FAM200B: variants seen among roughly 807,000 people sequenced by gnomAD.
FAM200B encodes the protein zinc finger BED-type containing 11.
A neutral mutation model predicts 33.1 loss-of-function variants in FAM200B; 32 were observed. The observed-to-expected ratio is 0.97, with a 90% CI of 0.73 to 1.30. The LOEUF is 1.30. Ranked by LOEUF, FAM200B falls within the 50% of genes most tolerant of loss-of-function variation. The probability of loss-of-function intolerance (pLI) is 0.00; values close to 1 mark genes in which losing one functional copy is unlikely to be tolerated. For synonymous variants in FAM200B, 240 were observed against 264.8 expected, an observed-to-expected ratio of 0.91 and a Z score of 0.91; for missense variants, 741 against 754.0, an observed-to-expected ratio of 0.98 and a Z score of 0.20.
At chr4:15,645,489 A>G in the FAM200B span, among the ~76,000 whole-genome samples, 1 of 152,022 alleles carries the variant, frequency 6.6e-6, no homozygotes, top group Non-Finnish European at 1.5e-5. Flanking sequence ...GTGCAGGGGC[A>G]TGATCTCAGC....
chr4:15,666,204 G>A, the FAM200B span, among the ~76,000 whole-genome samples: 8 of 152,048 alleles, frequency 5.3e-5, no homozygotes, highest in African/African-American at 1.9e-4. Context: ...TTCAAAACCA[G>A]CCTAGGCAAC....
the FAM200B span, among the ~76,000 whole-genome samples, chr4:15,654,295 G>A: frequency 6.6e-6 from 1 of 152,314 alleles, no homozygotes; most frequent in South Asian, 2.1e-4. Flanking sequence ...CCTGAGGTTT[G>A]CAGATATCCA....
At chr4:15,646,765 C>G in the FAM200B span, among the ~76,000 whole-genome samples, 2 of 148,114 alleles carry the variant, frequency 1.4e-5, no homozygotes, top group Non-Finnish European at 3.0e-5. Context: ...TCTCATTGTT[C>G]AATTCCCACT....
intron 1 of FAM200B, 25 bp downstream of exon 1, chr4:15,681,926 T>G (rs1247082058): frequency 6.5e-6 from 1 of 152,940 alleles, no homozygotes; most frequent in East Asian, 1.9e-4. Flanking sequence ...GGGCATCCTC[T>G]GATGGGAGTG....
chr4:15,651,426 G>A, the FAM200B span, among the ~76,000 whole-genome samples: 1 of 152,170 alleles, frequency 6.6e-6, no homozygotes, highest in Non-Finnish European at 1.5e-5. Context: ...TTTGGCTTAA[G>A]TAGTTCGTGA....
chr4:15,688,661 T>A lies in FAM200B; in HGVS notation c.1684T>A (p.Leu562Ile), dbSNP rs751129988. The change falls in exon 2 of 2, where the codon TTA becomes ATA. Residue 562 changes from leucine (L) to isoleucine (I), a missense_variant. Leu to Ile is a conservative substitution (Grantham distance 5). Transcript: ENST00000422728. The part of the protein sequence containing the change: ...LNLVPEEENE[L>I]LQLSSSYTLK... ...CTTGGTGCCTGAAGAAGAGAATGAATTATTGCAGCTTAGTTCTTCATATAC... is the reference window on the plus strand; with the variant it reads ...CTTGGTGCCTGAAGAAGAGAATGAAATATTGCAGCTTAGTTCTTCATATAC... 2 of 1,551,426 alleles carry A rather than the reference T, an allele frequency of 1.3e-6. No individual in the cohort carries two copies. Among genetic ancestry groups the A allele is most frequent in the Non-Finnish European group, 1.7e-6 (2 of 1,146,792 alleles).
the FAM200B span, among the ~76,000 whole-genome samples, chr4:15,655,901 G>A: frequency 1.3e-5 from 2 of 152,216 alleles, no homozygotes; most frequent in African/African-American, 4.8e-5. Flanking sequence ...CCCACCCAGC[G>A]GTTGGTGAAC....
At chr4:15,637,184 C>A in the FAM200B span, among the ~76,000 whole-genome samples, 1 of 152,094 alleles carries the variant, frequency 6.6e-6, no homozygotes, top group Non-Finnish European at 1.5e-5. Context: ...AAGAGGTCTG[C>A]GAAATCTGAC....
upstream of FAM200B, among the ~76,000 whole-genome samples, chr4:15,679,063 A>G (rs1017718859): frequency 1.7e-5 from 2 of 118,756 alleles, no homozygotes; most frequent in African/African-American, 6.2e-5. Context: ...TAAAATCTCT[A>G]TTTTTTTTTT....
At chr4:15,676,267 A>G in the FAM200B span, among the ~76,000 whole-genome samples, 3 of 152,256 alleles carry the variant, frequency 2.0e-5, no homozygotes, top group African/African-American at 2.4e-5. Flanking sequence ...CATAAAAAGC[A>G]TAAGAAGTAG....
the FAM200B span, among the ~76,000 whole-genome samples, chr4:15,652,416 A>G: frequency 6.6e-6 from 1 of 152,320 alleles, no homozygotes; most frequent in South Asian, 2.1e-4. Context: ...GCTATAAAAC[A>G]GAAATACCTT....
At chr4:15,684,806 C>G (rs565839083) in intron 1 of FAM200B, 19 of 152,292 alleles carry the variant, frequency 1.2e-4, no homozygotes, top group African/African-American at 4.6e-4. Context: ...ATGTCCTCGA[C>G]AGAGGACATA....
chr4:15,658,999 T>C, the FAM200B span, among the ~76,000 whole-genome samples: 9 of 152,328 alleles, frequency 5.9e-5, no homozygotes, highest in African/African-American at 1.9e-4. Context: ...TTAAACTCAG[T>C]TTCATACTAT....
upstream of FAM200B, chr4:15,681,683 G>T (rs1255239435): frequency 6.5e-6 from 1 of 152,828 alleles, no homozygotes; most frequent in African/African-American, 2.4e-5. Flanking sequence ...GAAAAGTGGA[G>T]CCTGCACCGC....
Position 15,689,060 on chromosome 4 carries a change from A to C in FAM200B, c.*109A>C, listed in dbSNP as rs1307894493. ...TACTGTGATACTTTTGTTATGTTTT[A>C]ATTTTTGTTATATTTAATAAAATTA... On this transcript the variant is annotated 3_prime_UTR_variant, in exon 2 of 2. Transcript: ENST00000422728. The C allele has an allele frequency of 2.5e-5, 21 of 835,526 alleles. No homozygotes were observed. The highest frequency in any genetic ancestry group is 8.9e-5 in the African/African-American group (5 of 56,340). 51.8% of individuals were successfully genotyped at this position (835,526 alleles called of 1,614,324 possible). A position where few individuals can be genotyped will look rare whatever the true frequency, so the allele number is the denominator to read the frequency against.
the FAM200B span, chr4:15,640,647 TC>T: frequency 2.3e-6 from 1 of 436,226 alleles, no homozygotes. Flanking sequence ...CCTTGGGTTT[TC>T]TTTTTTCCCA....
At chr4:15,648,580 T>C in the FAM200B span, among the ~76,000 whole-genome samples, 1 of 152,156 alleles carries the variant, frequency 6.6e-6, no homozygotes, top group Non-Finnish European at 1.5e-5. Context: ...ACAACATAGA[T>C]GAACCTGGAA....
At chr4:15,640,884 C>T in the FAM200B span, 1 of 1,422,290 alleles carries the variant, frequency 7.0e-7, no homozygotes, top group Non-Finnish European at 9.4e-7. Context: ...CATATTCATT[C>T]TGGAAACCAA....
intron 1 of FAM200B, among the ~76,000 whole-genome samples, chr4:15,685,554 G>A (rs1718757315): frequency 6.6e-6 from 1 of 152,042 alleles, no homozygotes; most frequent in African/African-American, 2.4e-5. Context: ...TTGGGAGTTG[G>A]GGGATTCTGG....
Sources: allele counts gnomAD v4.1 joint callset (sites outside exome capture counted in the v4.1 genomes callset), GRCh38; gene constraint gnomAD v4.1.1; transcripts MANE v1.5; gene names NCBI Gene and HGNC (gene_info 2026-07-23, HGNC 2026-07-21).